CACNA2D3: variants seen among roughly 807,000 people sequenced by gnomAD.
The protein encoded by CACNA2D3 is voltage-dependent calcium channel subunit alpha-2/delta-3.
CACNA2D3 carries 60 observed loss-of-function variants against 160.6 expected under a neutral mutation model. The ratio of observed to expected loss-of-function variants is 0.37; its 90% CI spans 0.30 to 0.46. The LOEUF (loss-of-function observed/expected upper bound fraction) is 0.46. Ranked by LOEUF, CACNA2D3 falls within the 20% of genes least tolerant of loss-of-function variation. The probability of loss-of-function intolerance (pLI) is 1.00; values close to 1 mark genes in which losing one functional copy is unlikely to be tolerated. For missense variants in CACNA2D3, 1,205 were observed against 1,365.0 expected (o/e 0.88, Z 1.85); for synonymous variants, 558 against 492.9 (o/e 1.13, Z -1.75).
intron 9 of CACNA2D3, among the ~76,000 whole-genome samples, chr3:54,621,972 C>A (rs1408773257): frequency 1.3e-5 from 2 of 152,030 alleles, no homozygotes; most frequent in African/African-American, 4.8e-5. Context: ...TCGGGTCCCC[C>A]AGGGAGAAGT....
intron 5 of CACNA2D3, among the ~76,000 whole-genome samples, chr3:54,504,237 C>T (rs1701335278): frequency 6.6e-6 from 1 of 152,128 alleles, no homozygotes; most frequent in Admixed American, 6.5e-5. Context: ...GCTTGTGTGC[C>T]TCAAATCCAG....
intron 2 of CACNA2D3, among the ~76,000 whole-genome samples, chr3:54,173,549 C>A (rs1210311718): frequency 6.6e-6 from 1 of 152,160 alleles, no homozygotes; most frequent in East Asian, 1.9e-4. Flanking sequence ...ATTTTTTGCA[C>A]CAAAGGCAGA....
intron 13 of CACNA2D3, among the ~76,000 whole-genome samples, chr3:54,791,784 T>C (rs1446803178): frequency 6.6e-6 from 1 of 152,180 alleles, no homozygotes; most frequent in Non-Finnish European, 1.5e-5. Context: ...CAGAAGACTT[T>C]TCAAAAACCA....
At chr3:54,871,913 C>G (rs1311090505) in intron 18 of CACNA2D3, among the ~76,000 whole-genome samples, 1 of 152,230 alleles carries the variant, frequency 6.6e-6, no homozygotes, top group Non-Finnish European at 1.5e-5. Context: ...AGCCTTCTTC[C>G]CAGTACAGTG....
chr3:54,901,129 T>C (rs1700322302), intron 27 of CACNA2D3: 1 of 152,202 alleles, frequency 6.6e-6, no homozygotes, highest in South Asian at 2.1e-4. Context: ...CAAGATTTAC[T>C]TATGCTTAAA....
intron 2 of CACNA2D3, among the ~76,000 whole-genome samples, chr3:54,289,924 T>C (rs1703142717): frequency 6.6e-6 from 1 of 151,954 alleles, no homozygotes; most frequent in Non-Finnish European, 1.5e-5. Context: ...GGATTAAAGA[T>C]TTACATGTTA....
intron 9 of CACNA2D3, among the ~76,000 whole-genome samples, chr3:54,604,511 T>G (rs927736437): frequency 6.6e-6 from 1 of 152,154 alleles, no homozygotes; most frequent in Admixed American, 6.5e-5. Flanking sequence ...CTTCCTCATC[T>G]CAGCAAACAG....
intron 2 of CACNA2D3, among the ~76,000 whole-genome samples, chr3:54,126,422 T>G (rs1300675511): frequency 6.6e-6 from 1 of 152,208 alleles, no homozygotes; most frequent in East Asian, 1.9e-4. Flanking sequence ...TTGTTATGGC[T>G]TCAGAAATAA....
At chr3:54,753,750 CAAAT>C (rs1480391293) in intron 12 of CACNA2D3, among the ~76,000 whole-genome samples, 1 of 152,090 alleles carries the variant, frequency 6.6e-6, no homozygotes, top group Non-Finnish European at 1.5e-5. Context: ...TTTTAACTAT[CAAAT>C]AAAATTATGT....
At position 54,736,111 on chromosome 3, in the gene CACNA2D3, A is replaced by ATGTG. The variant is rs1259405747; in HGVS notation, c.1168-16487_1168-16486insGTGT. Among the ~76,000 whole-genome samples, 23 of 24,220 alleles carry ATGTG rather than the reference A, an allele frequency of 9.5e-4. 1 individual carries two copies. In the South Asian group the frequency reaches 0.011, roughly 12 times the overall value. 15.9% of individuals were successfully genotyped at this position (24,220 alleles called of 152,430 possible). On this transcript the variant is annotated intron_variant, in intron 11 of 37. Coordinates refer to ENST00000474759, the MANE Select transcript of CACNA2D3 (RefSeq NM_018398.3). ...TGTGTATATATATACATATATATGT[A>ATGTG]TATATATACATATATATATGTATAT...
At chr3:54,462,689 T>A (rs1700530082) in intron 4 of CACNA2D3, among the ~76,000 whole-genome samples, 1 of 151,956 alleles carries the variant, frequency 6.6e-6, no homozygotes, top group African/African-American at 2.4e-5. Flanking sequence ...GAGATGGGTT[T>A]CCTGAATACA....
intron 5 of CACNA2D3, among the ~76,000 whole-genome samples, chr3:54,510,213 AATGGATGG>A (rs142922255): frequency 3.7e-4 from 56 of 150,132 alleles, no homozygotes; most frequent in African/African-American, 1.2e-3. Context: ...TAGGTGGGGG[AATGGATGG>A]ATGGATGGAT....
chr3:54,803,538 A>G (rs1317237882), intron 13 of CACNA2D3, among the ~76,000 whole-genome samples: 1 of 152,240 alleles, frequency 6.6e-6, no homozygotes, highest in Admixed American at 6.5e-5. Flanking sequence ...AAAGCCTCCA[A>G]GAAATATGGG....
At chr3:54,905,722 A>G (rs1700436689) in intron 27 of CACNA2D3, among the ~76,000 whole-genome samples, 1 of 152,146 alleles carries the variant, frequency 6.6e-6, no homozygotes, top group African/African-American at 2.4e-5. Context: ...GAGGTCAGGA[A>G]TGGTGCTAAA....
intron 3 of CACNA2D3, among the ~76,000 whole-genome samples, chr3:54,366,013 A>G (rs900706153): frequency 6.6e-6 from 1 of 152,160 alleles, no homozygotes; most frequent in African/African-American, 2.4e-5. Flanking sequence ...TCTAAGCCCA[A>G]GGTATCCAGG....
chr3:54,497,362 A>G (rs539673878), intron 4 of CACNA2D3, among the ~76,000 whole-genome samples: 31 of 152,134 alleles, frequency 2.0e-4, no homozygotes, highest in Non-Finnish European at 4.0e-4. Context: ...TTTAATTGAT[A>G]CCTGTTTTAT....
chr3:55,045,731 G>A (rs997587263), intron 35 of CACNA2D3, among the ~76,000 whole-genome samples: 1 of 152,122 alleles, frequency 6.6e-6, no homozygotes, highest in African/African-American at 2.4e-5. Flanking sequence ...TGTAGAATCT[G>A]TAGTAATGTC....
chr3:54,301,634 T>C (rs996480540), intron 2 of CACNA2D3, among the ~76,000 whole-genome samples: 1 of 152,204 alleles, frequency 6.6e-6, no homozygotes, highest in Non-Finnish European at 1.5e-5. Flanking sequence ...TTATCCTACC[T>C]ATTGAAATAG....
At chr3:54,540,420 A>T (rs893476565) in intron 5 of CACNA2D3, among the ~76,000 whole-genome samples, 1 of 152,246 alleles carries the variant, frequency 6.6e-6, no homozygotes, top group Non-Finnish European at 1.5e-5. Flanking sequence ...CTTCCCCAAG[A>T]TACCATGGGC....
Sources: allele counts gnomAD v4.1 joint callset (sites outside exome capture counted in the v4.1 genomes callset), GRCh38; gene constraint gnomAD v4.1.1; transcripts MANE v1.5; gene names NCBI Gene and HGNC (gene_info 2026-07-23, HGNC 2026-07-21).